SHROOM3: variants seen among roughly 807,000 people sequenced by gnomAD.
SHROOM3 encodes shroom family member 3.
SHROOM3 carries 47 observed loss-of-function variants against 138.6 expected under a neutral mutation model. The ratio of observed to expected loss-of-function variants is 0.34; its 90% confidence interval spans 0.27 to 0.43. The LOEUF is 0.43. Ranked by LOEUF, SHROOM3 falls within the 20% of genes least tolerant of loss-of-function variation. The pLI is 1.00. For synonymous variants in SHROOM3, 1,062 were observed against 1,063.3 expected, an observed-to-expected ratio of 1.00 and a Z score of 0.02; for missense variants, 2,491 against 2,596.5, an observed-to-expected ratio of 0.96 and a Z score of 0.88.
chr4:76,765,560 A>T (rs1560621508), intron 9 of SHROOM3, among the ~76,000 whole-genome samples: 1 of 152,062 alleles, frequency 6.6e-6, no homozygotes, highest in Admixed American at 6.6e-5. Context: ...CCTAAATCCC[A>T]ACCACTTGGC....
chr4:76,697,448 C>T (rs1278345916), intron 2 of SHROOM3, among the ~76,000 whole-genome samples: 1 of 152,102 alleles, frequency 6.6e-6, no homozygotes, highest in Non-Finnish European at 1.5e-5. Context: ...TTGTTATGCT[C>T]TTCTTGGAAC....
intron 2 of SHROOM3, among the ~76,000 whole-genome samples, chr4:76,643,227 A>G (rs1735724566): frequency 1.3e-5 from 2 of 151,674 alleles, no homozygotes; most frequent in Non-Finnish European, 1.5e-5. Context: ...AAAAAAAAAA[A>G]AAAGAATGAT....
chr4:76,739,101 G>C lies in SHROOM3; in HGVS notation c.928G>C (p.Val310Leu). ...GGCAGATATTCGCTATGTCAAGACA[G>C]TCTATGACACCCGGAGGGGAGTCTC... The part of the protein sequence containing the change: ...RQADIRYVKT[V>L]YDTRRGVSAE... Residue 310 changes from valine to leucine, a missense_variant, in exon 5 of 11, where the codon GTC (valine) becomes CTC (leucine). Physicochemically the swap from Val to Leu is conservative, Grantham distance 32. Around this residue, in one of 4 missense-constraint regions of SHROOM3, gnomAD observed 1,733 missense variants for 1,661.6 expected, o/e 1.04. Coordinates refer to ENST00000296043, the MANE Select transcript of SHROOM3 (RefSeq NM_020859.4). The C allele has an allele frequency of 6.2e-7, 1 of 1,614,224 alleles. No homozygotes were observed. The highest frequency in any genetic ancestry group is 1.1e-5 in the South Asian group (1 of 91,084).
chr4:76,748,808 ACT>A (rs1721529381), intron 5 of SHROOM3, among the ~76,000 whole-genome samples: 1 of 122,912 alleles, frequency 8.1e-6, no homozygotes, highest in South Asian at 2.6e-4. Context: ...TCAAATTCTG[ACT>A]CTGCTTTTTT....
intron 2 of SHROOM3, among the ~76,000 whole-genome samples, chr4:76,590,318 A>G (rs188447459): frequency 6.6e-6 from 1 of 152,212 alleles, no homozygotes; most frequent in East Asian, 1.9e-4. Context: ...TGGCCCCTTG[A>G]CCAGGGAGGC....
chr4:76,680,904 T>C (rs1719173447), intron 2 of SHROOM3, among the ~76,000 whole-genome samples: 1 of 152,198 alleles, frequency 6.6e-6, no homozygotes, highest in South Asian at 2.1e-4. Context: ...GTCATTATGA[T>C]CAAAATCAAT....
intron 4 of SHROOM3, among the ~76,000 whole-genome samples, chr4:76,736,067 C>T (rs1010830980): frequency 6.6e-6 from 1 of 151,362 alleles, no homozygotes; most frequent in Non-Finnish European, 1.5e-5. Flanking sequence ...ATGTCTCCTA[C>T]CTTCATAGAA....
intron 2 of SHROOM3, among the ~76,000 whole-genome samples, chr4:76,693,370 G>GTTTTTGTTTT (rs547232881): frequency 1.3e-5 from 1 of 79,834 alleles, no homozygotes; most frequent in Non-Finnish European, 2.2e-5. Context: ...TGATAAGTTT[G>GTTTTTGTTTT]TTTTTTTTTT....
At chr4:76,515,711 G>T (rs186289124) in intron 1 of SHROOM3, among the ~76,000 whole-genome samples, 1 of 152,014 alleles carries the variant, frequency 6.6e-6, no homozygotes, top group Non-Finnish European at 1.5e-5. Flanking sequence ...TGGATTTTAC[G>T]TCTAAAAACC....
chr4:76,634,448 T>G (rs1266883532), intron 2 of SHROOM3, among the ~76,000 whole-genome samples: 2 of 152,174 alleles, frequency 1.3e-5, no homozygotes, highest in South Asian at 4.1e-4. Flanking sequence ...GCAGCTTTAA[T>G]TGGTATGTAG....
intron 2 of SHROOM3, among the ~76,000 whole-genome samples, chr4:76,628,106 G>T (rs771240076): frequency 2.6e-5 from 4 of 152,046 alleles, no homozygotes; most frequent in Non-Finnish European, 4.4e-5. Flanking sequence ...GAAAATATAG[G>T]CATGATTTCC....
At chr4:76,518,645 A>G (rs1484053974) in intron 1 of SHROOM3, among the ~76,000 whole-genome samples, 1 of 152,078 alleles carries the variant, frequency 6.6e-6, no homozygotes, top group Non-Finnish European at 1.5e-5. Context: ...GGCTGTTCAC[A>G]TTTGGTAGGG....
chr4:76,616,452 A>G (rs757817383), intron 2 of SHROOM3, among the ~76,000 whole-genome samples: 33 of 152,316 alleles, frequency 2.2e-4, no homozygotes, highest in Non-Finnish European at 4.6e-4. Context: ...TAGTGTATCC[A>G]TTCATATGCA....
chr4:76,737,953 C>T (rs116585104), intron 4 of SHROOM3, among the ~76,000 whole-genome samples: 294 of 152,078 alleles, frequency 1.9e-3, no homozygotes, highest in African/African-American at 6.8e-3. Flanking sequence ...TCCTCTTCTC[C>T]AGACGGGCTC....
intron 1 of SHROOM3, among the ~76,000 whole-genome samples, chr4:76,498,469 CT>C (rs1025645492): frequency 1.3e-5 from 2 of 152,092 alleles, no homozygotes; most frequent in African/African-American, 4.8e-5. Flanking sequence ...AGCTCGTCCT[CT>C]TTGAGGCAGT....
chr4:76,696,923 G>A (rs1164347480), intron 2 of SHROOM3, among the ~76,000 whole-genome samples: 2 of 152,008 alleles, frequency 1.3e-5, no homozygotes, highest in Non-Finnish European at 2.9e-5. Context: ...GGTTTTTGTT[G>A]TTGTTTTTAT....
At chr4:76,513,474 C>G (rs1732380500) in intron 1 of SHROOM3, among the ~76,000 whole-genome samples, 1 of 152,132 alleles carries the variant, frequency 6.6e-6, no homozygotes, top group Admixed American at 6.5e-5. Flanking sequence ...CCACCACGCC[C>G]AGCTAATTTT....
At chr4:76,457,151 T>TC (rs1313551637) in intron 1 of SHROOM3, among the ~76,000 whole-genome samples, 1 of 152,146 alleles carries the variant, frequency 6.6e-6, no homozygotes, top group Non-Finnish European at 1.5e-5. Context: ...TGGATCTGTG[T>TC]CCCCACCAAG....
At chr4:76,734,776 A>T (rs553250450) in intron 4 of SHROOM3, among the ~76,000 whole-genome samples, 37 of 152,272 alleles carry the variant, frequency 2.4e-4, no homozygotes, top group African/African-American at 8.9e-4. Context: ...TGTTCACTTC[A>T]GTTCTTTAAA....
Sources: allele counts gnomAD v4.1 joint callset (sites outside exome capture counted in the v4.1 genomes callset), GRCh38; gene constraint gnomAD v4.1.1; regional missense constraint gnomAD v4.1.1; transcripts MANE v1.5; gene names NCBI Gene and HGNC (gene_info 2026-07-23, HGNC 2026-07-21).